Variants in POU2AF2 observed in about 807,000 individuals in gnomAD.
POU2AF2 encodes the protein POU domain class 2-associating factor 2.
chr11:111,280,560 A>G, the POU2AF2 span, among the ~76,000 whole-genome samples: 1 of 152,110 alleles, frequency 6.6e-6, no homozygotes, highest in Admixed American at 6.6e-5. Context: ...TTGTCCAGCC[A>G]ATCCACACTG....
At chr11:111,278,864 T>G in the POU2AF2 span, among the ~76,000 whole-genome samples, 1 of 152,236 alleles carries the variant, frequency 6.6e-6, no homozygotes, top group Non-Finnish European at 1.5e-5. Context: ...TTGGTAAAAG[T>G]TCCTAAAGAA....
chr11:111,264,122 A>G, the POU2AF2 span, among the ~76,000 whole-genome samples: 1 of 152,344 alleles, frequency 6.6e-6, no homozygotes, highest in African/African-American at 2.4e-5. Flanking sequence ...TCCAAGTGCC[A>G]AAAGAGTTGA....
the POU2AF2 span, among the ~76,000 whole-genome samples, chr11:111,249,746 T>G: frequency 6.6e-6 from 1 of 152,188 alleles, no homozygotes; most frequent in Non-Finnish European, 1.5e-5. Context: ...TTGTTCCTTT[T>G]TCTCTCTAAC....
the POU2AF2 span, among the ~76,000 whole-genome samples, chr11:111,261,966 A>G: frequency 6.6e-6 from 1 of 152,232 alleles, no homozygotes; most frequent in South Asian, 2.1e-4. Context: ...ACATATAGAG[A>G]CCAAAAGTGA....
At chr11:111,254,707 T>G in the POU2AF2 span, among the ~76,000 whole-genome samples, 2 of 152,218 alleles carry the variant, frequency 1.3e-5, no homozygotes, top group Non-Finnish European at 2.9e-5. Flanking sequence ...CAATCCAATT[T>G]GACTCACAAA....
At chr11:111,257,890 G>A in the POU2AF2 span, among the ~76,000 whole-genome samples, 1 of 152,152 alleles carries the variant, frequency 6.6e-6, no homozygotes, top group Non-Finnish European at 1.5e-5. Flanking sequence ...GATTGAGGCA[G>A]GCAGATCACT....
At chr11:111,254,749 A>G in the POU2AF2 span, among the ~76,000 whole-genome samples, 1 of 152,210 alleles carries the variant, frequency 6.6e-6, no homozygotes, top group African/African-American at 2.4e-5. Flanking sequence ...TACAAATTCA[A>G]CCAGATTAGA....
At chr11:111,262,616 C>A in the POU2AF2 span, among the ~76,000 whole-genome samples, 1 of 152,226 alleles carries the variant, frequency 6.6e-6, no homozygotes, top group African/African-American at 2.4e-5. Context: ...TAACACATCT[C>A]TCCTCCACCA....
the POU2AF2 span, among the ~76,000 whole-genome samples, chr11:111,265,471 C>T: frequency 1.3e-5 from 2 of 152,084 alleles, no homozygotes; most frequent in African/African-American, 2.4e-5. Flanking sequence ...AAGGTTCTGA[C>T]TCTTGTGTGT....
chr11:111,272,939 A>C, the POU2AF2 span, among the ~76,000 whole-genome samples: 9 of 152,266 alleles, frequency 5.9e-5, no homozygotes, highest in African/African-American at 1.9e-4. Flanking sequence ...TTCAGCACCC[A>C]ATTCAAATCC....
the POU2AF2 span, among the ~76,000 whole-genome samples, chr11:111,270,229 T>A: frequency 2.5e-4 from 38 of 152,362 alleles, 1 homozygote; most frequent in East Asian, 6.4e-3. Context: ...ACCAACAAGT[T>A]AATGAATACC....
At chr11:111,264,560 GAAA>G in the POU2AF2 span, among the ~76,000 whole-genome samples, 3 of 56,242 alleles carry the variant, frequency 5.3e-5, 1 homozygote, top group East Asian at 4.1e-4. Flanking sequence ...AAGAAAGAAA[GAAA>G]GAAAGAAAGA....
chr11:111,279,205 G>A, the POU2AF2 span, among the ~76,000 whole-genome samples: 2 of 152,154 alleles, frequency 1.3e-5, no homozygotes, highest in African/African-American at 4.8e-5. Context: ...CCTGCAAGAT[G>A]TGTCTCCCAC....
chr11:111,250,396 G>A, the POU2AF2 span, among the ~76,000 whole-genome samples: 1 of 152,126 alleles, frequency 6.6e-6, no homozygotes, highest in African/African-American at 2.4e-5. Context: ...GTTTCCATAC[G>A]TTACAACATA....
At chr11:111,270,893 G>T in the POU2AF2 span, among the ~76,000 whole-genome samples, 1 of 152,092 alleles carries the variant, frequency 6.6e-6, no homozygotes, top group Non-Finnish European at 1.5e-5. Context: ...CCCTACTGAG[G>T]GCCATCAGAC....
chr11:111,252,813 TTCTC>T, the POU2AF2 span, among the ~76,000 whole-genome samples: 2 of 152,060 alleles, frequency 1.3e-5, no homozygotes, highest in African/African-American at 4.8e-5. Context: ...GACACCATAA[TTCTC>T]TCTAATTATC....
At chr11:111,283,022 C>A in the POU2AF2 span, among the ~76,000 whole-genome samples, 1 of 150,146 alleles carries the variant, frequency 6.7e-6, no homozygotes, top group Non-Finnish European at 1.5e-5. Flanking sequence ...TTATCAGTTT[C>A]TGTCCCTCCC....
chr11:111,249,987 A>T, the POU2AF2 span, among the ~76,000 whole-genome samples: 1 of 152,280 alleles, frequency 6.6e-6, no homozygotes, highest in African/African-American at 2.4e-5. Context: ...AATTCTAAAG[A>T]TGCTTCTTAG....
the POU2AF2 span, among the ~76,000 whole-genome samples, chr11:111,248,601 T>C: frequency 1.3e-5 from 2 of 152,256 alleles, no homozygotes; most frequent in Admixed American, 1.3e-4. Context: ...GTCTATCACA[T>C]AACTCAGAAT....
Sources: allele counts gnomAD v4.1 joint callset (sites outside exome capture counted in the v4.1 genomes callset), GRCh38; gene constraint gnomAD v4.1.1; transcripts MANE v1.5; gene names NCBI Gene and HGNC (gene_info 2026-07-23, HGNC 2026-07-21).